ELFN2: variants seen among roughly 807,000 people sequenced by gnomAD.
ELFN2 encodes the protein extracellular leucine rich repeat and fibronectin type III domain containing 2, also known as protein phosphatase 1 regulatory subunit 29.
In ELFN2, 17 loss-of-function variants were observed where a neutral mutation model predicts 45.5. The ratio of observed to expected loss-of-function variants is 0.37; its 90% CI spans 0.26 to 0.56. The LOEUF (loss-of-function observed/expected upper bound fraction) is 0.56. ELFN2 is among the 20% of genes least tolerant of loss of function. ELFN2 has a pLI of 0.77. For missense variants in ELFN2, 922 were observed against 1,183.2 expected, an observed-to-expected ratio of 0.78 and a Z score of 3.24; for synonymous variants, 550 against 551.5, an observed-to-expected ratio of 1.00 and a Z score of 0.04.
chr22:37,351,669 C>T (rs1930824773), intron 1 of ELFN2, among the ~76,000 whole-genome samples: 1 of 150,324 alleles, frequency 6.7e-6, no homozygotes, highest in African/African-American at 2.4e-5. Flanking sequence ...GCGTGCTGGC[C>T]AGGCCCCCTT....
At chr22:37,376,305 C>T (rs997528811) in intron 2 of ELFN2, among the ~76,000 whole-genome samples, 1 of 152,028 alleles carries the variant, frequency 6.6e-6, no homozygotes, top group Non-Finnish European at 1.5e-5. Context: ...GACACACACC[C>T]CCAGCACCCT....
intron 1 of ELFN2, among the ~76,000 whole-genome samples, chr22:37,361,871 C>T (rs184172731): frequency 3.3e-5 from 5 of 152,324 alleles, no homozygotes; most frequent in East Asian, 1.9e-4. Flanking sequence ...CCCCATTCTC[C>T]GGCCCATAGG....
At chr22:37,424,852 A>C (rs2145695550) in intron 1 of ELFN2, among the ~76,000 whole-genome samples, 1 of 152,146 alleles carries the variant, frequency 6.6e-6, no homozygotes, top group South Asian at 2.1e-4. Context: ...TTAAACCAAA[A>C]CAGGAAAGCA....
intron 1 of ELFN2, among the ~76,000 whole-genome samples, chr22:37,358,174 C>T (rs565149723): frequency 1.3e-5 from 2 of 152,118 alleles, no homozygotes; most frequent in South Asian, 2.1e-4. Flanking sequence ...GGCCAGACCC[C>T]GTGATCCTAT....
At chr22:37,357,412 G>C (rs1031105580) in intron 1 of ELFN2, among the ~76,000 whole-genome samples, 3 of 152,200 alleles carry the variant, frequency 2.0e-5, no homozygotes, top group Non-Finnish European at 4.4e-5. Flanking sequence ...CCACAACAGA[G>C]GAGTATCTTT....
intron 2 of ELFN2, among the ~76,000 whole-genome samples, chr22:37,410,733 A>G (rs1932627326): frequency 6.6e-6 from 1 of 152,212 alleles, no homozygotes. Context: ...CACACGAAGC[A>G]ACCGAGGAGC....
intron 2 of ELFN2, among the ~76,000 whole-genome samples, chr22:37,398,893 C>A (rs1053485311): frequency 5.9e-5 from 9 of 152,244 alleles, no homozygotes; most frequent in African/African-American, 2.2e-4. Context: ...CCAGCCCAAC[C>A]CCAGAACAGC....
intron 1 of ELFN2, chr22:37,354,541 AG>A (rs1254750133): frequency 1.7e-4 from 21 of 126,502 alleles, no homozygotes; most frequent in African/African-American, 6.4e-4. Context: ...AAAGAAAAAA[AG>A]AAACACACAC....
chr22:37,387,550 A>G (rs1161157818), intron 2 of ELFN2, among the ~76,000 whole-genome samples: 1 of 151,598 alleles, frequency 6.6e-6, no homozygotes, highest in Non-Finnish European at 1.5e-5. Flanking sequence ...GCAGGAGCTG[A>G]CCCTCCTGGG....
intron 2 of ELFN2, among the ~76,000 whole-genome samples, chr22:37,381,372 C>T (rs958426263): frequency 2.0e-5 from 3 of 152,076 alleles, no homozygotes; most frequent in African/African-American, 7.2e-5. Flanking sequence ...CGAGAGATTT[C>T]GATGTTTCCA....
At chr22:37,406,504 C>A (rs1932503350) in intron 2 of ELFN2, among the ~76,000 whole-genome samples, 1 of 152,128 alleles carries the variant, frequency 6.6e-6, no homozygotes, top group Admixed American at 6.5e-5. Flanking sequence ...CCCATCCATG[C>A]CACCCCCCAC....
At chr22:37,404,258 G>A (rs1476530595) in intron 2 of ELFN2, among the ~76,000 whole-genome samples, 1 of 152,186 alleles carries the variant, frequency 6.6e-6, no homozygotes, top group East Asian at 1.9e-4. Context: ...CGGAGGGGCG[G>A]GAATGGCGCC....
Position 37,349,785 on chromosome 22 carries a change from G to A in ELFN2, n.149-7082C>T, listed in dbSNP as rs190389178. On this transcript the variant is annotated intron_variant and non_coding_transcript_variant, in intron 1 of 2. Coordinates refer to ENST00000452946, the Ensembl canonical transcript of ELFN2. Reference sequence around the variant, plus strand: ...GCTTTCAAGATGGGGTTGTGCCCACGGAAGTTAAGGCTCAGCTTTTGAATT... The same window carrying A: ...GCTTTCAAGATGGGGTTGTGCCCACAGAAGTTAAGGCTCAGCTTTTGAATT... Among the ~76,000 whole-genome samples, 376 of 151,330 alleles carry A rather than the reference G, an allele frequency of 2.5e-3. 4 individuals are homozygous for A. The highest frequency in any genetic ancestry group is 8.6e-3 in the African/African-American group (355 of 41,496).
In ELFN2 at chr22:37,373,752, C is replaced by T; in HGVS notation, c.1783G>A (p.Ala595Thr). The change falls in exon 3 of 3, where the codon GCC (alanine) becomes ACC (threonine). Residue 595 changes from alanine to threonine, a missense_variant. By Grantham distance (58) the Ala-to-Thr change is moderately conservative (BLOSUM62 0). Transcript: ENST00000402918. ...AAASSATGPGALERPSFLSPP... is the reference protein window; with the variant it reads ...AAASSATGPGTLERPSFLSPP... ...GAAAGGAAGCTGGGCCGCTCCAGGG[C>T]CCCGGGGCCAGTGGCTGAGGAGGCG... 1 of 1,576,362 alleles carries T rather than the reference C, an allele frequency of 6.3e-7. No individual in the cohort carries two copies. Among genetic ancestry groups the T allele is most frequent in the Non-Finnish European group, 8.6e-7 (1 of 1,167,594 alleles).
At chr22:37,415,058 C>T (rs187261067) in intron 2 of ELFN2, among the ~76,000 whole-genome samples, 3 of 152,344 alleles carry the variant, frequency 2.0e-5, no homozygotes, top group African/African-American at 4.8e-5. Flanking sequence ...GGTGGAGAAA[C>T]ATGCCCAACG....
At chr22:37,352,017 G>T (rs1253526739) in intron 1 of ELFN2, among the ~76,000 whole-genome samples, 2 of 150,748 alleles carry the variant, frequency 1.3e-5, no homozygotes, top group Admixed American at 1.3e-4. Flanking sequence ...GGGCATTCAG[G>T]TAACCTACGT....
intron 1 of ELFN2, among the ~76,000 whole-genome samples, chr22:37,350,166 G>A (rs1055645633): frequency 6.6e-6 from 1 of 150,966 alleles, no homozygotes; most frequent in Admixed American, 6.6e-5. Flanking sequence ...AGGAGTGAGC[G>A]GGTCCAAGGA....
At chr22:37,421,633 G>A (rs60801141) in intron 1 of ELFN2, among the ~76,000 whole-genome samples, 2,335 of 152,290 alleles carry the variant, frequency 0.015, 53 homozygotes, top group African/African-American at 0.053. Context: ...CCTGAGCCCC[G>A]GGGCCCAGCA....
At position 37,380,675 on chromosome 22, in the gene ELFN2, TG is replaced by T. The variant is rs1475631503; in HGVS notation, c.-462-4680del. Reference sequence around the variant, plus strand: ...GTGTCATTGTCACCATCCGTGTCATTGCCATTACTGAGGATTAGGAGGACCA... The same window carrying T: ...GTGTCATTGTCACCATCCGTGTCATTCCATTACTGAGGATTAGGAGGACCA... On this transcript the variant is annotated intron_variant, in intron 2 of 2. Coordinates refer to ENST00000402918, the MANE Select transcript of ELFN2 (RefSeq NM_052906.5). 5.3e-5 allele frequency among the ~76,000 whole-genome samples: 8 copies of T among 152,238 alleles called. No individual in the cohort carries two copies. In the East Asian group the frequency reaches 1.5e-3, roughly 29 times the overall value.
Sources: allele counts gnomAD v4.1 joint callset (sites outside exome capture counted in the v4.1 genomes callset), GRCh38; gene constraint gnomAD v4.1.1; transcripts MANE v1.5; gene names NCBI Gene and HGNC (gene_info 2026-07-23, HGNC 2026-07-21).